The following AFG2A variants were observed in gnomAD, a reference collection of about 807,000 sequenced individuals.
AFG2A encodes ATPase family gene 2 protein homolog A.
chr4:123,084,265 T>A, the AFG2A span, among the ~76,000 whole-genome samples: 1 of 151,972 alleles, frequency 6.6e-6, no homozygotes, highest in African/African-American at 2.4e-5. Flanking sequence ...ACTTTTAGTT[T>A]CATTGTTTTT....
At chr4:123,260,269 G>T in the AFG2A span, among the ~76,000 whole-genome samples, 2 of 152,268 alleles carry the variant, frequency 1.3e-5, no homozygotes, top group East Asian at 3.9e-4. Context: ...ATTTCACACT[G>T]AGTTTTCAAA....
chr4:123,256,641 AT>A, the AFG2A span: 4 of 923,600 alleles, frequency 4.3e-6, no homozygotes, highest in South Asian at 2.0e-4. Context: ...TTGTATCATT[AT>A]CATCTTTTTG....
At chr4:123,226,343 T>G in the AFG2A span, among the ~76,000 whole-genome samples, 1 of 152,172 alleles carries the variant, frequency 6.6e-6, no homozygotes, top group Non-Finnish European at 1.5e-5. Context: ...ATATTGGCTG[T>G]GGGTTTGTCA....
the AFG2A span, among the ~76,000 whole-genome samples, chr4:123,161,799 C>A: frequency 6.6e-6 from 1 of 151,836 alleles, no homozygotes; most frequent in African/African-American, 2.4e-5. Flanking sequence ...AAATATAAGA[C>A]AAGAAGTTAA....
chr4:122,999,356 T>C, the AFG2A span, among the ~76,000 whole-genome samples: 1 of 152,128 alleles, frequency 6.6e-6, no homozygotes, highest in Non-Finnish European at 1.5e-5. Flanking sequence ...CCATTGCTTT[T>C]GGTGTTTTAG....
chr4:122,984,638 T>G, the AFG2A span, among the ~76,000 whole-genome samples: 1 of 152,202 alleles, frequency 6.6e-6, no homozygotes, highest in Non-Finnish European at 1.5e-5. Flanking sequence ...TATACCAGTT[T>G]TGCTGACAGT....
chr4:123,137,393 CTT>C, the AFG2A span, among the ~76,000 whole-genome samples: 1 of 152,166 alleles, frequency 6.6e-6, no homozygotes, highest in Non-Finnish European at 1.5e-5. Context: ...TTTTCTTCAG[CTT>C]TGCTTCATCT....
chr4:123,219,587 A>G, the AFG2A span, among the ~76,000 whole-genome samples: 2 of 152,192 alleles, frequency 1.3e-5, no homozygotes, highest in Non-Finnish European at 2.9e-5. Flanking sequence ...ATTTCTTTTT[A>G]TATTTTAATT....
At chr4:123,135,620 C>T in the AFG2A span, among the ~76,000 whole-genome samples, 1 of 152,120 alleles carries the variant, frequency 6.6e-6, no homozygotes, top group Non-Finnish European at 1.5e-5. Context: ...TTTTTCTTGT[C>T]ACTCTTCATC....
chr4:123,178,104 T>C, the AFG2A span, among the ~76,000 whole-genome samples: 55 of 152,198 alleles, frequency 3.6e-4, no homozygotes, highest in African/African-American at 1.3e-3. Context: ...CTATAAAGCT[T>C]TGAAAATGCT....
the AFG2A span, among the ~76,000 whole-genome samples, chr4:123,004,324 G>A: frequency 2.6e-5 from 4 of 152,168 alleles, no homozygotes; most frequent in African/African-American, 7.2e-5. Flanking sequence ...ACTGTCCTGC[G>A]CCCACTGTCT....
chr4:122,943,384 A>C, the AFG2A span, among the ~76,000 whole-genome samples: 1 of 152,182 alleles, frequency 6.6e-6, no homozygotes, highest in Non-Finnish European at 1.5e-5. Context: ...CTTTACCATT[A>C]TGTAATGGCC....
the AFG2A span, among the ~76,000 whole-genome samples, chr4:123,271,203 G>A: frequency 6.6e-6 from 1 of 152,102 alleles, no homozygotes; most frequent in Non-Finnish European, 1.5e-5. Context: ...GGGAAAACTT[G>A]GTTATGTACA....
chr4:122,967,111 T>C, the AFG2A span, among the ~76,000 whole-genome samples: 1 of 152,180 alleles, frequency 6.6e-6, no homozygotes, highest in East Asian at 1.9e-4. Flanking sequence ...TAAAAAATAT[T>C]TTCAAAACCA....
the AFG2A span, among the ~76,000 whole-genome samples, chr4:123,056,048 G>A: frequency 6.6e-6 from 1 of 152,190 alleles, no homozygotes; most frequent in Admixed American, 6.5e-5. Context: ...GCTAGCCAGT[G>A]GTTAGGCCTG....
At chr4:123,081,745 A>AT in the AFG2A span, among the ~76,000 whole-genome samples, 4 of 152,076 alleles carry the variant, frequency 2.6e-5, no homozygotes, top group African/African-American at 9.7e-5. Flanking sequence ...TGGTTGTACC[A>AT]TTTTTTACCC....
the AFG2A span, among the ~76,000 whole-genome samples, chr4:123,276,258 T>C: frequency 6.6e-6 from 1 of 152,190 alleles, no homozygotes; most frequent in Non-Finnish European, 1.5e-5. Context: ...CATTTTTCCA[T>C]ATGCTTGTTG....
the AFG2A span, among the ~76,000 whole-genome samples, chr4:123,026,262 T>C: frequency 1.3e-5 from 2 of 151,856 alleles, no homozygotes; most frequent in African/African-American, 4.8e-5. Flanking sequence ...TGTGCTGGAG[T>C]GAGGATTTGA....
chr4:123,255,901 A>C, the AFG2A span: 2 of 1,178,584 alleles, frequency 1.7e-6, no homozygotes, highest in South Asian at 3.0e-5. Context: ...TTATTTACCA[A>C]TTACGAATAA....
Sources: gnomAD v4.1 joint callset for allele counts (sites outside exome capture counted in the v4.1 genomes callset) on GRCh38, gnomAD v4.1.1 for gene constraint, MANE v1.5 for transcripts, NCBI Gene and HGNC (gene_info 2026-07-23, HGNC 2026-07-21) for gene names.